C16orf96: variants seen among roughly 807,000 people sequenced by gnomAD.
The protein encoded by C16orf96 is uncharacterized protein C16orf96.
A neutral mutation model predicts 103.6 loss-of-function variants in C16orf96; 108 were observed. The ratio of observed to expected loss-of-function variants is 1.04; its 90% CI spans 0.89 to 1.22. The LOEUF (loss-of-function observed/expected upper bound fraction) is 1.22. Among genes scored for constraint, C16orf96 ranks in the 50% most tolerant of loss-of-function variants. The probability of loss-of-function intolerance (pLI) is 0.00; values close to 1 mark genes in which losing one functional copy is unlikely to be tolerated. For synonymous variants in C16orf96, 566 were observed against 593.5 expected, an observed-to-expected ratio of 0.95 and a Z score of 0.67; for missense variants, 1,586 against 1,464.2, an observed-to-expected ratio of 1.08 and a Z score of -1.36.
intron 1 of C16orf96, among the ~76,000 whole-genome samples, chr16:4,562,631 G>A (rs2059344513): frequency 6.6e-6 from 1 of 152,016 alleles, no homozygotes; most frequent in East Asian, 1.9e-4. Context: ...TAATAAAGTT[G>A]ACAATTAGCT....
intron 1 of C16orf96, among the ~76,000 whole-genome samples, chr16:4,566,777 A>G (rs1255632423): frequency 6.6e-6 from 1 of 152,018 alleles, no homozygotes; most frequent in East Asian, 1.9e-4. Context: ...ATTTCACCTA[A>G]ATTATATAAT....
chr16:4,548,977 C>A, the C16orf96 span, among the ~76,000 whole-genome samples: 4,641 of 151,978 alleles, frequency 0.031, 236 homozygotes, highest in African/African-American at 0.11. Context: ...GGAGTCCCTT[C>A]CTTGCCTTTC....
At chr16:4,558,639 G>A (rs1199427116) in intron 1 of C16orf96, among the ~76,000 whole-genome samples, 1 of 149,702 alleles carries the variant, frequency 6.7e-6, no homozygotes, top group Non-Finnish European at 1.5e-5. Context: ...ATTTGGCCAG[G>A]CACAGTGGCG....
At position 4,599,430 on chromosome 16, in the gene C16orf96, C is replaced by T. The variant is rs947348928; in HGVS notation, c.3208+66C>T. 3.6e-6 allele frequency: 5 copies of T among 1,374,904 alleles called. No homozygotes were observed. In the African/African-American group the frequency reaches 7.2e-5, roughly 20 times the overall value. 85.2% of individuals were successfully genotyped at this position (1,374,904 alleles called of 1,614,324 possible). ...GGAAGGGTCTCCAGTCCCTCCTCGT[C>T]TCATCCCATCCCCCACACCCCGCCT... On this transcript the variant is annotated intron_variant, in intron 15 of 15. Transcript: ENST00000444310.
intron 1 of C16orf96, among the ~76,000 whole-genome samples, chr16:4,558,193 C>A (rs991625847): frequency 3.3e-5 from 5 of 152,244 alleles, no homozygotes; most frequent in Non-Finnish European, 7.3e-5. Context: ...GGCCCAGCAG[C>A]TGGTGGGCAA....
Position 4,564,768 on chromosome 16 carries a change from G to C in C16orf96, c.421-6793G>C, listed in dbSNP as rs1043301469. Reference sequence around the variant, plus strand: ...GGAGATTTCAGTGAACCGAGATCGCGCCGCTGCACTCCAGCCTGAGCGACA... The same window carrying C: ...GGAGATTTCAGTGAACCGAGATCGCCCCGCTGCACTCCAGCCTGAGCGACA... On this transcript the variant is annotated intron_variant, in intron 1 of 15. Transcript: ENST00000444310. Among the ~76,000 whole-genome samples the C allele has an allele frequency of 3.3e-5, 5 of 152,166 alleles. No individual in the cohort carries two copies. The East Asian group carries it at 7.7e-4, about 23-fold the overall frequency.
At chr16:4,559,128 G>A (rs528256606) in intron 1 of C16orf96, among the ~76,000 whole-genome samples, 65 of 152,154 alleles carry the variant, frequency 4.3e-4, no homozygotes, top group African/African-American at 1.5e-3. Context: ...TATCCCTGGA[G>A]GCAGCATGTC....
intron 7 of C16orf96, among the ~76,000 whole-genome samples, chr16:4,581,952 C>T (rs1267189606): frequency 6.6e-6 from 1 of 151,556 alleles, no homozygotes; most frequent in Non-Finnish European, 1.5e-5. Flanking sequence ...AAGACCATCT[C>T]AAAAAAAGAA....
At chr16:4,581,161 TA>T (rs1567450451) in intron 7 of C16orf96, among the ~76,000 whole-genome samples, 78 of 116,406 alleles carry the variant, frequency 6.7e-4, no homozygotes, top group African/African-American at 2.4e-3. Flanking sequence ...TATATATATA[TA>T]TATATATATA....
intron 11 of C16orf96, among the ~76,000 whole-genome samples, chr16:4,592,817 T>C (rs1376952155): frequency 6.6e-6 from 1 of 152,086 alleles, no homozygotes; most frequent in Admixed American, 6.5e-5. Context: ...TGAGCTAGGA[T>C]TGTGCCACTG....
In C16orf96 at chr16:4,574,796, G is replaced by A. The variant is rs1354382547; in HGVS notation, c.606+7G>A. The stretch of plus-strand genomic sequence containing the variant: ...TGCACTGCAGCGGGAAGTGGTGAGG[G>A]CCACCATCCCTGTCTTCCCCCACTC... On this transcript the variant is annotated splice_region_variant and intron_variant, in intron 3 of 15. Coordinates refer to ENST00000444310, the MANE Select transcript of C16orf96 (RefSeq NM_001145011.2). The A allele has an allele frequency of 6.4e-7, 1 of 1,551,120 alleles. No homozygotes were observed. The highest frequency in any genetic ancestry group is 1.4e-5 in the African/African-American group (1 of 73,024).
rs572786544 is a variant in C16orf96, at chr16:4,592,261, C to G, written c.2712-44C>G. 10 of 1,550,614 alleles carry G rather than the reference C, an allele frequency of 6.4e-6. No individual in the cohort carries two copies. In the African/African-American group the frequency reaches 1.4e-4, roughly 21 times the overall value. ...CTGGCTGCAGCCTCCCACACATGGCCTGGGCCCAGCAGGGGCAGCGGCTGA... is the reference window on the plus strand; with the variant it reads ...CTGGCTGCAGCCTCCCACACATGGCGTGGGCCCAGCAGGGGCAGCGGCTGA... On this transcript the variant is annotated intron_variant, in intron 10 of 15. Coordinates refer to ENST00000444310, the MANE Select transcript of C16orf96 (RefSeq NM_001145011.2).
chr16:4,594,030 A>C (rs1230038462), intron 12 of C16orf96, among the ~76,000 whole-genome samples: 1 of 152,076 alleles, frequency 6.6e-6, no homozygotes, highest in Non-Finnish European at 1.5e-5. Context: ...AAGGGGAGGG[A>C]CGTGGGGGCC....
At chr16:4,555,449 C>T (rs554941572), upstream of C16orf96, among the ~76,000 whole-genome samples, 2 of 151,922 alleles carry the variant, frequency 1.3e-5, no homozygotes, top group East Asian at 3.9e-4. Flanking sequence ...TCTTGGCTCA[C>T]TGAAACCTCC....
intron 2 of C16orf96, among the ~76,000 whole-genome samples, chr16:4,573,985 C>T (rs1055276042): frequency 2.0e-5 from 3 of 150,528 alleles, no homozygotes; most frequent in Non-Finnish European, 3.0e-5. Flanking sequence ...AGGTGCAAGC[C>T]ACCACGCCTA....
Position 4,591,784 on chromosome 16 carries a change from G to A in C16orf96, c.2711G>A (p.Arg904Lys). Reference protein sequence around the residue: ...LDPDSAAGFRRKLFKRVKCIS... With the variant: ...LDPDSAAGFRKKLFKRVKCIS... ...CCTGACAGTGCTGCTGGCTTTAGGA[G>A]GTGAGTGCCCGCCCGAGCCCCTCCT... Residue 904 changes from arginine to lysine, a missense_variant and splice_region_variant, in exon 10 of 16, where the codon AGG (arginine) becomes AAG (lysine). Coordinates refer to ENST00000444310, the MANE Select transcript of C16orf96 (RefSeq NM_001145011.2). The A allele has an allele frequency of 6.5e-7, 1 of 1,541,474 alleles. No homozygotes were observed. Among genetic ancestry groups the A allele is most frequent in the Non-Finnish European group, 8.7e-7 (1 of 1,143,084 alleles).
At chr16:4,581,158 AT>A (rs2059582418) in intron 7 of C16orf96, among the ~76,000 whole-genome samples, 1 of 104,158 alleles carries the variant, frequency 9.6e-6, no homozygotes, top group Admixed American at 9.0e-5. Context: ...ATATATATAT[AT>A]ATATATATAT....
At chr16:4,572,295 T>C (rs796579975) in intron 2 of C16orf96, among the ~76,000 whole-genome samples, 16 of 68,172 alleles carry the variant, frequency 2.3e-4, no homozygotes, top group African/African-American at 7.2e-4. Context: ...ACTCATGCAA[T>C]ACTTATATTT....
the C16orf96 span, among the ~76,000 whole-genome samples, chr16:4,548,309 C>T: frequency 3.3e-5 from 5 of 152,260 alleles, no homozygotes; most frequent in South Asian, 2.1e-4. Flanking sequence ...TTCTGCAGAA[C>T]GCAGCTCCTC....
Sources: allele counts gnomAD v4.1 joint callset (sites outside exome capture counted in the v4.1 genomes callset), GRCh38; gene constraint gnomAD v4.1.1; transcripts MANE v1.5; gene names NCBI Gene and HGNC (gene_info 2026-07-23, HGNC 2026-07-21).